DHRS7: variants seen among roughly 807,000 people sequenced by gnomAD.
DHRS7 encodes the protein dehydrogenase/reductase SDR family member 7.
DHRS7 carries 34 observed loss-of-function variants against 38.9 expected under a neutral mutation model. The observed-to-expected ratio is 0.87, with a 90% CI of 0.66 to 1.16. The LOEUF (loss-of-function observed/expected upper bound fraction) is 1.16, where lower values mean the gene tolerates loss of function less well. DHRS7 is among the 50% of genes most tolerant of loss of function. DHRS7 has a pLI of 0.00. For synonymous variants in DHRS7, 158 were observed against 153.1 expected, an observed-to-expected ratio of 1.03 and a Z score of -0.24; for missense variants, 421 against 407.0, an observed-to-expected ratio of 1.03 and a Z score of -0.30.
chr14:60,163,918 A>G (rs1022675242), intron 1 of DHRS7, among the ~76,000 whole-genome samples: 1 of 152,202 alleles, frequency 6.6e-6, no homozygotes, highest in Admixed American at 6.5e-5. Flanking sequence ...CTGAGGTGGA[A>G]CAATCGATCA....
chr14:60,159,724 T>A (rs1433619547), intron 1 of DHRS7, among the ~76,000 whole-genome samples: 1 of 152,028 alleles, frequency 6.6e-6, no homozygotes, highest in African/African-American at 2.4e-5. Flanking sequence ...ACCCTATCCA[T>A]CTTCTTGGGC....
chr14:60,161,333 T>A lies in DHRS7; in HGVS notation c.133+3844A>T, dbSNP rs181592577. On this transcript the variant is annotated intron_variant, in intron 1 of 6. Coordinates refer to ENST00000557185, the MANE Select transcript of DHRS7 (RefSeq NM_016029.4). The surrounding 1 kb of genome is among the most constrained non-coding windows in gnomAD (Gnocchi z 4.2). ...TCACTATATGAATACATACTAATCA[T>A]ATTACAAACATTTTGCATCCCTTTT... Among the ~76,000 whole-genome samples the A allele has an allele frequency of 6.6e-6, 1 of 152,366 alleles. No individual in the cohort carries two copies. The highest frequency in any genetic ancestry group is 6.5e-5 in the Admixed American group (1 of 15,310).
chr14:60,147,278 C>A lies in DHRS7; in HGVS notation c.972+2075G>T, dbSNP rs187824085. ...ATATTTTCAGTTATAAGATAAATAA[C>A]TTATGTTATTATAATTTACAGATTC... On this transcript the variant is annotated intron_variant, in intron 6 of 6. Transcript: ENST00000557185. 4.6e-5 allele frequency: 7 copies of A among 151,922 alleles called. No individual in the cohort carries two copies. In the East Asian group the frequency reaches 1.4e-3, roughly 29 times the overall value. 9.4% of individuals were successfully genotyped at this position (151,922 alleles called of 1,614,324 possible). A position where few individuals can be genotyped will look rare whatever the true frequency, so the allele number is the denominator to read the frequency against.
chr14:60,153,175 C>T lies in DHRS7; in HGVS notation c.397G>A (p.Asp133Asn), dbSNP rs766188972. 39 of 1,613,706 alleles carry T rather than the reference C, an allele frequency of 2.4e-5. No individual in the cohort carries two copies. The South Asian group carries it at 3.2e-4, about 13-fold the overall frequency. The change falls in exon 4 of 7, where the codon GAC becomes AAC. Residue 133 changes from aspartate (D) to asparagine (N), a missense_variant. Transcript: ENST00000557185. This position sits in a 1 kb window ranked among gnomAD's most constrained non-coding sequence, Gnocchi z 4.4. ...KAVLQEFGRI[D>N]ILVNNGGMSQ... ...ATTCCACCATTGTTGACCAGAATGT[C>T]GATCTAGTTAAATAAAATCAGAAAA...
chr14:60,169,252 T>C (rs76904718), upstream of DHRS7: 505 of 151,206 alleles, frequency 3.3e-3, 17 homozygotes, highest in East Asian at 0.057. Flanking sequence ...CCTCAAGGCC[T>C]TGTACATACT....
At position 60,161,827 on chromosome 14, in the gene DHRS7, C is replaced by T. The variant is rs75270265; in HGVS notation, c.133+3350G>A. On this transcript the variant is annotated intron_variant, in intron 1 of 6. Coordinates refer to ENST00000557185, the MANE Select transcript of DHRS7 (RefSeq NM_016029.4). The surrounding 1 kb of genome is among the most constrained non-coding windows in gnomAD (Gnocchi z 4.2). ...GTCCCCAGTGCCCCAGCACAGAGGC[C>T]GGCACATACAAGCAGCTAGTCAGGA... Among the ~76,000 whole-genome samples the T allele has an allele frequency of 7.1e-3, 1,082 of 152,226 alleles. 9 individuals are homozygous for T. Among genetic ancestry groups the T allele is most frequent in the African/African-American group, 0.024 (1,014 of 41,522 alleles).
chr14:60,164,923 C>T (rs1896836070), intron 1 of DHRS7, among the ~76,000 whole-genome samples: 1 of 152,202 alleles, frequency 6.6e-6, no homozygotes, highest in African/African-American at 2.4e-5. Flanking sequence ...TTTGGCACTC[C>T]CTGGAGAGGT....
rs747177480 is a variant in DHRS7 at position 60,153,204 on chromosome 14, G to T, written c.394-26C>A. 8 of 1,613,028 alleles carry T rather than the reference G, an allele frequency of 5.0e-6. No individual in the cohort carries two copies. In the East Asian group the frequency reaches 1.6e-4, roughly 31 times the overall value. ...CTAGTTAAATAAAATCAGAAAAGGG[G>T]TGTTTGGGGGATGTCTTGTGGATAG... is the stretch of plus-strand genomic sequence containing the variant. On this transcript the variant is annotated intron_variant, in intron 3 of 6. Transcript: ENST00000557185. The surrounding 1 kb of genome is among the most constrained non-coding windows in gnomAD (Gnocchi z 4.4).
chr14:60,163,200 C>T (rs1224516866), intron 1 of DHRS7, among the ~76,000 whole-genome samples: 2 of 151,926 alleles, frequency 1.3e-5, no homozygotes, highest in Non-Finnish European at 2.9e-5. Context: ...AAAAAGCTTA[C>T]TCCTTAGTTA....
chr14:60,154,733 G>A (rs1896622387), intron 2 of DHRS7, among the ~76,000 whole-genome samples: 1 of 152,202 alleles, frequency 6.6e-6, no homozygotes, highest in Admixed American at 6.5e-5. Context: ...AAAGAGTTAA[G>A]CGTGAAACAT....
At chr14:60,159,140 ACACAG>A in intron 1 of DHRS7, 1 of 401,130 alleles carries the variant, frequency 2.5e-6, no homozygotes, top group South Asian at 2.1e-5. Context: ...GGAGGGAAAA[ACACAG>A]CTTATTAATC....
intron 1 of DHRS7, among the ~76,000 whole-genome samples, chr14:60,158,022 C>T (rs1896691650): frequency 1.3e-5 from 2 of 152,046 alleles, no homozygotes; most frequent in South Asian, 4.2e-4. Context: ...CACTTGAGGC[C>T]AGGAGTTCGA....
At chr14:60,147,478 A>T (rs1002177581) in intron 6 of DHRS7, 7 of 152,174 alleles carry the variant, frequency 4.6e-5, no homozygotes, top group African/African-American at 1.7e-4. Context: ...GATCATCACA[A>T]TGTATACCTT....
Position 60,153,751 on chromosome 14 carries a change from T to C in DHRS7, c.393+208A>G. Among the ~76,000 whole-genome samples the C allele has an allele frequency of 6.6e-6, 1 of 152,212 alleles. No homozygotes were observed. Among genetic ancestry groups the C allele is most frequent in the East Asian group, 1.9e-4 (1 of 5,200 alleles). On this transcript the variant is annotated intron_variant, in intron 3 of 6. Coordinates refer to ENST00000557185, the MANE Select transcript of DHRS7 (RefSeq NM_016029.4). This position sits in a 1 kb window ranked among gnomAD's most constrained non-coding sequence, Gnocchi z 4.4. ...CGTGAATTTTTAGCTTCTTTTGTTC[T>C]ACATGGAGGAATTTGTACTTGTTAA...
intron 5 of DHRS7, 35 bp from the exon 6 acceptor site, chr14:60,149,603 A>G: frequency 1.3e-6 from 2 of 1,521,152 alleles, no homozygotes; most frequent in Non-Finnish European, 1.8e-6. Context: ...AATTTATCCA[A>G]GCGATTTCAC....
chr14:60,168,428 T>G (rs1417439847), upstream of DHRS7, among the ~76,000 whole-genome samples: 2 of 152,216 alleles, frequency 1.3e-5, no homozygotes, highest in Non-Finnish European at 2.9e-5. Flanking sequence ...CTGGTGAAAT[T>G]TGAACGAGGT....
intron 1 of DHRS7, chr14:60,158,968 T>G (rs1311356232): frequency 3.3e-6 from 1 of 300,886 alleles, no homozygotes; most frequent in African/African-American, 2.3e-5. Context: ...ACTTCTGGTG[T>G]CGGTGGGTCC....
chr14:60,156,969 T>C (rs1393814894), intron 1 of DHRS7, among the ~76,000 whole-genome samples: 1 of 152,216 alleles, frequency 6.6e-6, no homozygotes, highest in Admixed American at 6.5e-5. Flanking sequence ...CAGGAGATGA[T>C]ATTCACTGTC....
chr14:60,164,056 T>C (rs1896815936), intron 1 of DHRS7, among the ~76,000 whole-genome samples: 1 of 151,988 alleles, frequency 6.6e-6, no homozygotes, highest in Non-Finnish European at 1.5e-5. Context: ...TTTCGTGAAC[T>C]CAATGTCAGT....
Sources: gnomAD v4.1 joint callset for allele counts (sites outside exome capture counted in the v4.1 genomes callset) on GRCh38, gnomAD v4.1.1 for gene constraint, Gnocchi (gnomAD v3.1) non-coding constraint, MANE v1.5 for transcripts, NCBI Gene and HGNC (gene_info 2026-07-23, HGNC 2026-07-21) for gene names.